Variants in ENPEP observed in about 807,000 individuals in gnomAD.
ENPEP encodes the protein AP-A.
A neutral mutation model predicts 114.5 loss-of-function variants in ENPEP; 103 were observed. That is an observed-to-expected ratio of 0.90 (90% CI 0.77 to 1.06). The LOEUF is 1.06. Ranked by LOEUF, ENPEP falls within the 50% of genes least tolerant of loss-of-function variation. ENPEP has a pLI of 0.00. For missense variants in ENPEP, 1,196 were observed against 1,161.3 expected (o/e 1.03, Z -0.43); for synonymous variants, 420 against 422.0 (o/e 1.00, Z 0.06).
intron 3 of ENPEP, among the ~76,000 whole-genome samples, chr4:110,491,643 T>C (rs890760400): frequency 6.6e-6 from 1 of 152,142 alleles, no homozygotes; most frequent in Non-Finnish European, 1.5e-5. Context: ...AAAGCATTTT[T>C]TAAAAGTATG....
chr4:110,486,658 T>C (rs1724512003), intron 1 of ENPEP, among the ~76,000 whole-genome samples: 1 of 152,200 alleles, frequency 6.6e-6, no homozygotes, highest in Non-Finnish European at 1.5e-5. Context: ...TATGTAGCTG[T>C]CATCACTCTC....
At position 110,484,928 on chromosome 4, in the gene ENPEP, C is replaced by CGCAT. The variant is rs979586346; in HGVS notation, c.645-3610_645-3609insTGCA. 3.3e-5 allele frequency among the ~76,000 whole-genome samples: 5 copies of CGCAT among 151,894 alleles called. No homozygotes were observed. In the East Asian group the frequency reaches 5.8e-4, roughly 18 times the overall value. On this transcript the variant is annotated intron_variant, in intron 1 of 19. Transcript: ENST00000265162. ...TGTGTGTGGTGCGCGCATGCACGCA[C>CGCAT]GCACACTCACACACACTCATCTTCT...
intron 1 of ENPEP, among the ~76,000 whole-genome samples, chr4:110,485,951 G>C (rs1478209207): frequency 6.6e-6 from 1 of 152,050 alleles, no homozygotes; most frequent in Non-Finnish European, 1.5e-5. Flanking sequence ...GCTTAAGGTA[G>C]TGTCCACCAA....
At chr4:110,552,733 A>G (rs1242216021) in intron 17 of ENPEP, among the ~76,000 whole-genome samples, 1 of 152,184 alleles carries the variant, frequency 6.6e-6, no homozygotes. Flanking sequence ...GCCATGGCAT[A>G]CAATTAAACC....
At chr4:110,520,413 A>C in intron 10 of ENPEP, 47 bp downstream of exon 10, 1 of 1,585,988 alleles carries the variant, frequency 6.3e-7, no homozygotes, top group Non-Finnish European at 8.7e-7. Flanking sequence ...TTTGGCAGAA[A>C]TATTGGTAAT....
At chr4:110,489,788 T>A (rs947355428) in intron 2 of ENPEP, among the ~76,000 whole-genome samples, 1 of 152,164 alleles carries the variant, frequency 6.6e-6, no homozygotes, top group Non-Finnish European at 1.5e-5. Flanking sequence ...TCTTTAGGTA[T>A]AATAATCAGA....
chr4:110,498,520 A>C (rs891277433), intron 3 of ENPEP, among the ~76,000 whole-genome samples: 1 of 152,218 alleles, frequency 6.6e-6, no homozygotes, highest in African/African-American at 2.4e-5. Flanking sequence ...AAGACGTATA[A>C]ACAGGTAAGC....
chr4:110,514,870 A>G (rs1184479926), intron 7 of ENPEP, among the ~76,000 whole-genome samples: 2 of 152,262 alleles, frequency 1.3e-5, no homozygotes, highest in African/African-American at 2.4e-5. Flanking sequence ...CTGAGAAGAG[A>G]AAGATTATAT....
At chr4:110,479,355 A>G (rs917637510) in intron 1 of ENPEP, among the ~76,000 whole-genome samples, 4 of 152,164 alleles carry the variant, frequency 2.6e-5, no homozygotes, top group African/African-American at 7.2e-5. Context: ...ATAAGGATCT[A>G]GAAGAAGGCG....
At chr4:110,512,218 CAATCATGG>C (rs1725602876) in intron 6 of ENPEP, among the ~76,000 whole-genome samples, 1 of 152,164 alleles carries the variant, frequency 6.6e-6, no homozygotes, top group South Asian at 2.1e-4. Flanking sequence ...ATAAATACCA[CAATCATGG>C]AATACCTCGT....
chr4:110,526,281 A>C (rs748989279), intron 10 of ENPEP, among the ~76,000 whole-genome samples: 87 of 152,260 alleles, frequency 5.7e-4, no homozygotes, highest in Non-Finnish European at 1.0e-3. Flanking sequence ...GTCTGAAAAA[A>C]ACAGAACAAA....
intron 13 of ENPEP, among the ~76,000 whole-genome samples, chr4:110,543,464 G>A (rs1726930820): frequency 6.6e-6 from 1 of 152,030 alleles, no homozygotes; most frequent in Non-Finnish European, 1.5e-5. Context: ...AAGATTTTAT[G>A]GCTAGAATTG....
rs1399524262 is a variant in ENPEP, at chr4:110,476,250, A to G, written c.-165A>G. 2.5e-6 allele frequency: 2 copies of G among 792,514 alleles called. No individual in the cohort carries two copies. Among genetic ancestry groups the G allele is most frequent in the Non-Finnish European group, 3.8e-6 (2 of 530,636 alleles). The allele number at this position is 792,514 out of a possible 1,614,324, so 49.1% of individuals were successfully genotyped here. On this transcript the variant is annotated 5_prime_UTR_variant, in exon 1 of 20. Coordinates refer to ENST00000265162, the MANE Select transcript of ENPEP (RefSeq NM_001977.4). ...TCCTGAGTGGCTGGTGGGAACGTGA[A>G]AAGGGAGAGGAAAAGGCGCAAGAAG...
chr4:110,517,148 C>G (rs1725808362), intron 8 of ENPEP, among the ~76,000 whole-genome samples: 1 of 151,990 alleles, frequency 6.6e-6, no homozygotes, highest in Non-Finnish European at 1.5e-5. Flanking sequence ...CCACGTTGCC[C>G]AGGCTGGTCT....
At chr4:110,488,381 C>T (rs1378980788) in intron 1 of ENPEP, among the ~76,000 whole-genome samples, 160 bp from the exon 2 acceptor site, 1 of 152,096 alleles carries the variant, frequency 6.6e-6, no homozygotes, top group Non-Finnish European at 1.5e-5. Context: ...TCCAGGAAAA[C>T]CTTTGACAAA....
chr4:110,549,407 A>T lies in ENPEP; in HGVS notation c.2213A>T (p.Asp738Val). 1 of 1,613,234 alleles carries T rather than the reference A, an allele frequency of 6.2e-7. No individual in the cohort carries two copies. Among genetic ancestry groups the T allele is most frequent in the Non-Finnish European group, 8.5e-7 (1 of 1,179,444 alleles). Residue 738 changes from aspartate to valine, a missense_variant, in exon 15 of 20, where the codon GAC becomes GTC. Coordinates refer to ENST00000265162, the MANE Select transcript of ENPEP (RefSeq NM_001977.4). ...TCTCTGGGATGGAATGATGCTGGAG[A>T]CCATGTCACAAAGTTATTCTCACTT... ...ADSLGWNDAG[D>V]HVTKLLRSSV... is the part of the protein sequence containing the mutation.
intron 11 of ENPEP, chr4:110,533,224 C>T (rs1726472226): frequency 1.7e-4 from 51 of 296,132 alleles, no homozygotes; most frequent in South Asian, 1.5e-3. Context: ...GTGAATTTTC[C>T]AGATAACTAA....
intron 3 of ENPEP, among the ~76,000 whole-genome samples, chr4:110,497,969 C>T: frequency 6.6e-6 from 1 of 152,078 alleles, no homozygotes; most frequent in East Asian, 1.9e-4. Context: ...TTCAGTAATA[C>T]CAGCTATGTA....
In ENPEP at chr4:110,520,274, T is replaced by C; in HGVS notation, c.1635T>C (p.Pro545=). The change falls in exon 10 of 20, where the codon CCT becomes CCC. Residue 545 remains proline (P), a synonymous_variant. Transcript: ENST00000265162. ...CCTGGACCAGACAGATGGGTTATCC[T>C]GTGCTTAACGTGAACGGTGTCAAGA... is the stretch of plus-strand genomic sequence containing the variant. ...MDTWTRQMGY[P]VLNVNGVKNI... The C allele has an allele frequency of 1.2e-6, 2 of 1,614,090 alleles. No individual in the cohort carries two copies. The highest frequency in any genetic ancestry group is 1.7e-6 in the Non-Finnish European group (2 of 1,179,918).
Sources: allele counts gnomAD v4.1 joint callset (sites outside exome capture counted in the v4.1 genomes callset), GRCh38; gene constraint gnomAD v4.1.1; transcripts MANE v1.5; gene names NCBI Gene and HGNC (gene_info 2026-07-23, HGNC 2026-07-21).